Variants in SLIT3 observed in about 807,000 individuals in gnomAD.
The protein encoded by SLIT3 is slit guidance ligand 3.
In SLIT3, 68 loss-of-function variants were observed where a neutral mutation model predicts 184.0. The observed-to-expected ratio is 0.37, with a 90% CI of 0.30 to 0.45. The LOEUF (loss-of-function observed/expected upper bound fraction) is 0.45, where lower values mean the gene tolerates loss of function less well. SLIT3 is among the 20% of genes least tolerant of loss of function. The pLI is 1.00. For missense variants in SLIT3, 1,707 were observed against 2,026.0 expected, an observed-to-expected ratio of 0.84 and a Z score of 3.02; for synonymous variants, 831 against 828.6, an observed-to-expected ratio of 1.00 and a Z score of -0.05.
intron 4 of SLIT3, among the ~76,000 whole-genome samples, chr5:168,894,716 C>A (rs1716063397): frequency 3.3e-5 from 5 of 152,126 alleles, no homozygotes; most frequent in Admixed American, 3.3e-4. Flanking sequence ...TTAAACCTGG[C>A]CTGAGAGGGT....
chr5:168,842,468 C>CTTTTTTTTTTTTTTTT, intron 6 of SLIT3, among the ~76,000 whole-genome samples: 1 of 61,314 alleles, frequency 1.6e-5, no homozygotes, highest in Non-Finnish European at 2.8e-5. Context: ...ACCGTTTTTT[C>CTTTTTTTTTTTTTTTT]GTTTTTTTTT....
At chr5:169,223,881 AAGG>A (rs1764700284) in intron 3 of SLIT3, among the ~76,000 whole-genome samples, 1 of 152,254 alleles carries the variant, frequency 6.6e-6, no homozygotes, top group African/African-American at 2.4e-5. Flanking sequence ...CATGGAGGGA[AAGG>A]AGGAGGCTGC....
chr5:168,970,386 G>A (rs999986025), intron 4 of SLIT3, among the ~76,000 whole-genome samples: 3 of 151,096 alleles, frequency 2.0e-5, no homozygotes, highest in Non-Finnish European at 2.9e-5. Context: ...TCCCAGCTAC[G>A]CGGGAGGCTG....
At chr5:168,830,082 T>C (rs1757832178) in intron 6 of SLIT3, among the ~76,000 whole-genome samples, 1 of 152,206 alleles carries the variant, frequency 6.6e-6, no homozygotes, top group African/African-American at 2.4e-5. Context: ...GACCAGGCCC[T>C]ACGACACTCA....
At chr5:168,683,621 A>G (rs1761657245) in intron 32 of SLIT3, among the ~76,000 whole-genome samples, 1 of 152,146 alleles carries the variant, frequency 6.6e-6, no homozygotes, top group Admixed American at 6.5e-5. Context: ...TCTTAAACTA[A>G]TAAAAGATTA....
intron 2 of SLIT3, among the ~76,000 whole-genome samples, chr5:169,246,814 G>A (rs1765607173): frequency 1.3e-5 from 2 of 151,228 alleles, no homozygotes; most frequent in Admixed American, 6.6e-5. Context: ...AGCTACTTGG[G>A]AGGCTAAGGC....
intron 6 of SLIT3, among the ~76,000 whole-genome samples, chr5:168,837,751 T>G (rs568511008): frequency 6.6e-5 from 10 of 152,360 alleles, no homozygotes; most frequent in African/African-American, 2.2e-4. Context: ...TTACTTATTA[T>G]GAGCGTCCCG....
chr5:168,793,744 T>C (rs1756466889), intron 10 of SLIT3, among the ~76,000 whole-genome samples: 1 of 151,856 alleles, frequency 6.6e-6, no homozygotes, highest in Non-Finnish European at 1.5e-5. Context: ...GAACTTGTCA[T>C]TTTTCACTGA....
At chr5:168,784,805 T>C (rs1324345075) in intron 12 of SLIT3, among the ~76,000 whole-genome samples, 1 of 151,970 alleles carries the variant, frequency 6.6e-6, no homozygotes, top group Non-Finnish European at 1.5e-5. Context: ...GAACTTTACG[T>C]AGGAGGTGGG....
At chr5:169,025,292 G>C (rs1170113353) in intron 4 of SLIT3, among the ~76,000 whole-genome samples, 1 of 152,176 alleles carries the variant, frequency 6.6e-6, no homozygotes, top group East Asian at 1.9e-4. Flanking sequence ...CCCCATAATA[G>C]AAAAGGTAAC....
chr5:169,278,047 C>A (rs569990846), intron 1 of SLIT3, among the ~76,000 whole-genome samples: 4 of 152,310 alleles, frequency 2.6e-5, no homozygotes, highest in African/African-American at 9.6e-5. Context: ...TGGACTATAG[C>A]TTTGTTGAAT....
At chr5:169,220,991 C>T (rs1331662846) in intron 3 of SLIT3, among the ~76,000 whole-genome samples, 1 of 152,200 alleles carries the variant, frequency 6.6e-6, no homozygotes, top group East Asian at 1.9e-4. Flanking sequence ...ATCAACTGAT[C>T]TGGTTTCTCG....
chr5:169,096,305 T>A (rs1759777259), intron 4 of SLIT3, among the ~76,000 whole-genome samples: 1 of 152,226 alleles, frequency 6.6e-6, no homozygotes, highest in Non-Finnish European at 1.5e-5. Context: ...GTTATAAACA[T>A]CCTTGTCTAT....
chr5:169,008,010 C>T (rs957557914), intron 4 of SLIT3, among the ~76,000 whole-genome samples: 1 of 152,186 alleles, frequency 6.6e-6, no homozygotes, highest in Non-Finnish European at 1.5e-5. Context: ...GAGAACCGGA[C>T]ACTTTCTTTT....
At chr5:169,226,136 A>T (rs1033622751) in intron 3 of SLIT3, among the ~76,000 whole-genome samples, 3 of 152,082 alleles carry the variant, frequency 2.0e-5, no homozygotes, top group African/African-American at 4.8e-5. Flanking sequence ...AACGATACAG[A>T]TGTGGAATCC....
chr5:169,260,785 T>C (rs1412203807), intron 1 of SLIT3, among the ~76,000 whole-genome samples: 1 of 152,246 alleles, frequency 6.6e-6, no homozygotes, highest in Non-Finnish European at 1.5e-5. Context: ...TTGTGCTAAA[T>C]GCTGGTATAT....
chr5:168,819,619 C>T (rs368483275), intron 7 of SLIT3, among the ~76,000 whole-genome samples: 16 of 152,284 alleles, frequency 1.1e-4, no homozygotes, highest in South Asian at 8.3e-4. Flanking sequence ...AAATTCCCGT[C>T]GGTTCCGATC....
intron 4 of SLIT3, among the ~76,000 whole-genome samples, chr5:168,900,698 A>AG (rs1760836510): frequency 6.6e-6 from 1 of 152,256 alleles, no homozygotes; most frequent in African/African-American, 2.4e-5. Flanking sequence ...TAGTAAAGAT[A>AG]TGGAATCAAC....
chr5:169,124,837 C>T (rs1761017369), intron 4 of SLIT3, among the ~76,000 whole-genome samples: 1 of 151,838 alleles, frequency 6.6e-6, no homozygotes, highest in Non-Finnish European at 1.5e-5. Context: ...ACTTCATGGC[C>T]TTTGTTTTTA....
Sources: gnomAD v4.1 joint callset for allele counts (sites outside exome capture counted in the v4.1 genomes callset) on GRCh38, gnomAD v4.1.1 for gene constraint, MANE v1.5 for transcripts, NCBI Gene and HGNC (gene_info 2026-07-23, HGNC 2026-07-21) for gene names.